Variants in NRXN3 observed in about 807,000 individuals in gnomAD.
The protein encoded by NRXN3 is neurexin III.
In NRXN3, 32 loss-of-function variants were observed where a neutral mutation model predicts 137.6. The observed-to-expected ratio is 0.23, with a 90% CI of 0.18 to 0.31. NRXN3 has a LOEUF of 0.31. NRXN3 is among the 10% of genes least tolerant of loss of function. The probability of loss-of-function intolerance (pLI) is 1.00; values close to 1 mark genes in which losing one functional copy is unlikely to be tolerated. For missense variants in NRXN3, 1,574 were observed against 2,062.5 expected, an observed-to-expected ratio of 0.76 and a Z score of 4.59; for synonymous variants, 798 against 784.5, an observed-to-expected ratio of 1.02 and a Z score of -0.29.
chr14:79,503,398 C>T (rs533970243), intron 16 of NRXN3, among the ~76,000 whole-genome samples: 1 of 152,154 alleles, frequency 6.6e-6, no homozygotes, highest in Admixed American at 6.5e-5. Context: ...TCTCCATTCT[C>T]CCCCACTCAT....
intron 7 of NRXN3, among the ~76,000 whole-genome samples, chr14:78,714,111 G>A (rs1027005944): frequency 6.6e-6 from 1 of 152,192 alleles, no homozygotes; most frequent in Non-Finnish European, 1.5e-5. Context: ...GTTAAAATGT[G>A]TCACAGGGAA....
intron 10 of NRXN3, among the ~76,000 whole-genome samples, chr14:78,940,998 A>G (rs1014655278): frequency 6.6e-6 from 1 of 152,150 alleles, no homozygotes; most frequent in African/African-American, 2.4e-5. Context: ...GCACATAACC[A>G]CATTTTCTCC....
chr14:78,387,936 G>A (rs1327412984), intron 4 of NRXN3, among the ~76,000 whole-genome samples: 1 of 152,150 alleles, frequency 6.6e-6, no homozygotes, highest in Admixed American at 6.6e-5. Context: ...GGGAAGAACA[G>A]GAGTTTTCTC....
intron 16 of NRXN3, among the ~76,000 whole-genome samples, chr14:79,582,667 C>T (rs1465635729): frequency 6.7e-6 from 1 of 150,214 alleles, no homozygotes; most frequent in Non-Finnish European, 1.5e-5. Context: ...GATCTGCCCG[C>T]CTCAGCCTCC....
chr14:78,621,724 C>T (rs796100490), intron 4 of NRXN3, among the ~76,000 whole-genome samples: 8 of 152,234 alleles, frequency 5.3e-5, no homozygotes, highest in African/African-American at 1.7e-4. Context: ...TAACTTTCAC[C>T]TAGATGCCCT....
At chr14:79,447,783 G>A (rs567443011) in intron 15 of NRXN3, among the ~76,000 whole-genome samples, 4 of 152,288 alleles carry the variant, frequency 2.6e-5, no homozygotes, top group South Asian at 4.1e-4. Context: ...TTCCAAAACC[G>A]CATAATCCTC....
chr14:78,796,705 G>A (rs2098823014), intron 8 of NRXN3, among the ~76,000 whole-genome samples: 1 of 152,086 alleles, frequency 6.6e-6, no homozygotes, highest in Non-Finnish European at 1.5e-5. Flanking sequence ...TAAGACACAG[G>A]GCAGATTTGA....
intron 20 of NRXN3, among the ~76,000 whole-genome samples, chr14:79,832,763 T>C (rs1032242754): frequency 1.3e-4 from 19 of 151,782 alleles, no homozygotes; most frequent in African/African-American, 4.1e-4. Flanking sequence ...TTAAAAAAAG[T>C]AAAAAAAACA....
intron 16 of NRXN3, among the ~76,000 whole-genome samples, chr14:79,502,235 G>A (rs978406659): frequency 6.6e-6 from 1 of 152,150 alleles, no homozygotes. Context: ...AGGCCAAAAT[G>A]TTCACAACTT....
intron 20 of NRXN3, among the ~76,000 whole-genome samples, chr14:79,809,293 C>G (rs1244970527): frequency 6.6e-6 from 1 of 152,144 alleles, no homozygotes; most frequent in Non-Finnish European, 1.5e-5. Flanking sequence ...GACTGGGTAA[C>G]AAGACTGGCT....
chr14:79,823,462 G>A (rs147749719), intron 20 of NRXN3, among the ~76,000 whole-genome samples: 341 of 152,268 alleles, frequency 2.2e-3, no homozygotes, highest in African/African-American at 8.0e-3. Flanking sequence ...TATAGTTCCA[G>A]CTACTTGGGA....
intron 4 of NRXN3, among the ~76,000 whole-genome samples, chr14:78,578,885 G>T (rs2096963450): frequency 6.6e-6 from 1 of 152,042 alleles, no homozygotes. Context: ...AGCATCTACA[G>T]GCTCTTTTTT....
intron 16 of NRXN3, among the ~76,000 whole-genome samples, chr14:79,586,135 A>C (rs1263155301): frequency 6.6e-6 from 1 of 152,230 alleles, no homozygotes. Flanking sequence ...TAACAGAGTC[A>C]ATCATAATTA....
intron 15 of NRXN3, among the ~76,000 whole-genome samples, chr14:79,137,621 C>G (rs949343657): frequency 2.0e-5 from 3 of 151,996 alleles, no homozygotes; most frequent in African/African-American, 7.3e-5. Flanking sequence ...TATAGTAGTG[C>G]CTTTATTTTC....
chr14:78,689,627 T>C (rs1382479328), intron 6 of NRXN3, among the ~76,000 whole-genome samples: 1 of 152,198 alleles, frequency 6.6e-6, no homozygotes, highest in Non-Finnish European at 1.5e-5. Flanking sequence ...GTTAGTTGGC[T>C]ATAATAAACA....
chr14:79,367,663 A>T (rs560027740), intron 15 of NRXN3, among the ~76,000 whole-genome samples: 5 of 152,294 alleles, frequency 3.3e-5, no homozygotes, highest in East Asian at 1.9e-4. Context: ...ATTATTTTTT[A>T]AAAAATAAAT....
chr14:78,742,025 C>T (rs895096926), intron 8 of NRXN3, among the ~76,000 whole-genome samples: 3 of 152,128 alleles, frequency 2.0e-5, no homozygotes, highest in Non-Finnish European at 2.9e-5. Context: ...TAGATTGTCC[C>T]TGGAGGTAGT....
chr14:79,648,298 T>C lies in NRXN3; in HGVS notation c.3445-15480T>C, dbSNP rs1364265360. Among the ~76,000 whole-genome samples, 5 of 135,562 alleles carry C rather than the reference T, an allele frequency of 3.7e-5. 1 individual carries two copies. The highest frequency in any genetic ancestry group is 1.2e-4 in the African/African-American group (5 of 40,746). The allele number at this position is 135,562 out of a possible 152,430, so 88.9% of individuals were successfully genotyped here. A position where few individuals can be genotyped will look rare whatever the true frequency, so the allele number is the denominator to read the frequency against. Reference sequence around the variant, plus strand: ...AGAAATTAGCGGGGACTGTGGTGAATTGGAAAACCTGTGCCTTTCTCTCCC... The same window carrying C: ...AGAAATTAGCGGGGACTGTGGTGAACTGGAAAACCTGTGCCTTTCTCTCCC... On this transcript the variant is annotated intron_variant, in intron 16 of 20. Transcript: ENST00000335750.
At chr14:79,038,485 TAG>T (rs2099619889) in intron 15 of NRXN3, among the ~76,000 whole-genome samples, 1 of 152,124 alleles carries the variant, frequency 6.6e-6, no homozygotes, top group African/African-American at 2.4e-5. Flanking sequence ...TTAAAAATAA[TAG>T]AGTTTAGATT....
Sources: gnomAD v4.1 joint callset for allele counts (sites outside exome capture counted in the v4.1 genomes callset) on GRCh38, gnomAD v4.1.1 for gene constraint, MANE v1.5 for transcripts, NCBI Gene and HGNC (gene_info 2026-07-23, HGNC 2026-07-21) for gene names.